The following PKD2 variants were observed in gnomAD, a reference collection of about 807,000 sequenced individuals.
PKD2 encodes polycystin-2.
In PKD2, 48 loss-of-function variants were observed where a neutral mutation model predicts 105.9. That is an observed-to-expected ratio of 0.45 (90% confidence interval 0.36 to 0.58). PKD2 has a LOEUF of 0.58. Ranked by LOEUF, PKD2 falls within the 20% of genes least tolerant of loss-of-function variation. PKD2 has a pLI of 0.00. For synonymous variants in PKD2, 464 were observed against 481.1 expected (o/e 0.96, Z 0.46); for missense variants, 1,078 against 1,255.3 (o/e 0.86, Z 2.13).
rs1359711139 is a variant in PKD2 at position 88,075,612 on chromosome 4, G to A, written c.2825G>A (p.Arg942Lys). 1.2e-6 allele frequency: 2 copies of A among 1,614,036 alleles called. No individual in the cohort carries two copies. The highest frequency in any genetic ancestry group is 2.7e-5 in the African/African-American group (2 of 74,926). The change falls in exon 15 of 15, where the codon AGA becomes AAA. Residue 942 changes from arginine (R) to lysine (K), a missense_variant. Physicochemically the swap from Arg to Lys is conservative, Grantham distance 26. Transcript: ENST00000237596. ...GGACTAAATGGTCAACCTCGCCCCAGAAGCTCCCGCCCATCTTCCTCCCAA... is the reference window on the plus strand; with the variant it reads ...GGACTAAATGGTCAACCTCGCCCCAAAAGCTCCCGCCCATCTTCCTCCCAA... Reference protein sequence around the residue: ...PVGLNGQPRPRSSRPSSSQST... With the variant: ...PVGLNGQPRPKSSRPSSSQST...
intron 6 of PKD2, among the ~76,000 whole-genome samples, chr4:88,050,798 T>C (rs995082100): frequency 1.5e-4 from 22 of 151,694 alleles, no homozygotes; most frequent in Admixed American, 1.4e-3. Flanking sequence ...AATACAAGAT[T>C]GGCTCTGGAA....
chr4:88,058,122 A>C lies in PKD2; in HGVS notation c.2019+19A>C. 2 of 1,405,550 alleles carry C rather than the reference A, an allele frequency of 1.4e-6. No homozygotes were observed. Among genetic ancestry groups the C allele is most frequent in the Non-Finnish European group, 2.0e-6 (2 of 991,254 alleles). The allele number at this position is 1,405,550 out of a possible 1,614,324, so 87.1% of individuals were successfully genotyped here. ...TCTTTTGGTATGTACATTTTTATTTATAGTGAGGTTCAATTTAAACTTCGT... is the reference window on the plus strand; with the variant it reads ...TCTTTTGGTATGTACATTTTTATTTCTAGTGAGGTTCAATTTAAACTTCGT... On this transcript the variant is annotated intron_variant, in intron 9 of 14. Transcript: ENST00000237596.
At chr4:88,056,908 C>G (rs1720362566) in intron 8 of PKD2, among the ~76,000 whole-genome samples, 1 of 152,042 alleles carries the variant, frequency 6.6e-6, no homozygotes, top group Non-Finnish European at 1.5e-5. Flanking sequence ...CACTTTGATC[C>G]CATTTTAAGT....
chr4:88,065,577 A>G, intron 11 of PKD2, 82 bp downstream of exon 11: 1 of 1,434,762 alleles, frequency 7.0e-7, no homozygotes, highest in Non-Finnish European at 9.8e-7. Flanking sequence ...TTCTAGCCCA[A>G]GGGCTCATAC....
chr4:88,050,456 A>G (rs571720461), intron 6 of PKD2, among the ~76,000 whole-genome samples: 4 of 152,244 alleles, frequency 2.6e-5, no homozygotes, highest in African/African-American at 9.6e-5. Flanking sequence ...CTCAGGAGTG[A>G]TGTAACAATG....
At chr4:88,040,831 C>T (rs548902494) in intron 4 of PKD2, among the ~76,000 whole-genome samples, 23 of 152,238 alleles carry the variant, frequency 1.5e-4, no homozygotes, top group Non-Finnish European at 2.5e-4. Context: ...TTCATATCTC[C>T]GTCTTTTCTT....
intron 7 of PKD2, among the ~76,000 whole-genome samples, chr4:88,053,666 A>G (rs1208761534): frequency 1.3e-5 from 2 of 152,102 alleles, no homozygotes; most frequent in Non-Finnish European, 2.9e-5. Context: ...CAAAAAAAAA[A>G]AAAAAATGCA....
intron 1 of PKD2, among the ~76,000 whole-genome samples, chr4:88,019,161 T>C (rs1726660298): frequency 6.6e-6 from 1 of 152,228 alleles, no homozygotes; most frequent in African/African-American, 2.4e-5. Flanking sequence ...TTTCCTGTTC[T>C]CTTTTTAAAA....
rs1221964197 is a variant in PKD2 at position 88,075,536 on chromosome 4, G to T, written c.2749G>T (p.Glu917Ter). 3.1e-6 allele frequency: 5 copies of T among 1,614,156 alleles called. No individual in the cohort carries two copies. Among genetic ancestry groups the T allele is most frequent in the Non-Finnish European group, 4.2e-6 (5 of 1,180,008 alleles). The change falls in exon 15 of 15, where the codon GAA (glutamate) becomes TAA (stop). Residue 917 changes from glutamate (E) to a stop codon, truncating the protein, a stop_gained. Transcript: ENST00000237596. LOFTEE classifies it low-confidence loss of function (END_TRUNC). ...RLVREELERW[E>*]SDDAASQISH... is the part of the protein sequence containing the mutation. ...AGTACGTGAAGAGTTGGAACGCTGG[G>T]AATCCGATGATGCAGCTTCCCAGAT...
At chr4:88,065,593 C>CTTT in intron 11 of PKD2, 98 bp downstream of exon 11, 237 of 1,071,856 alleles carry the variant, frequency 2.2e-4, no homozygotes, top group Admixed American at 3.1e-4. Flanking sequence ...CATACAGATA[C>CTTT]TTTTTTTTTT....
chr4:88,038,124 A>G, intron 3 of PKD2, 127 bp from the exon 4 acceptor site: 1 of 1,029,108 alleles, frequency 9.7e-7, no homozygotes, highest in Non-Finnish European at 1.5e-6. Flanking sequence ...TCTGACAACA[A>G]AACTCATTCT....
At chr4:88,008,432 C>T in intron 1 of PKD2, 104 bp downstream of exon 1, 2 of 1,371,140 alleles carry the variant, frequency 1.5e-6, no homozygotes, top group Non-Finnish European at 1.9e-6. Context: ...ATCTCGCATC[C>T]CCTCTGCGTT....
intron 3 of PKD2, among the ~76,000 whole-genome samples, chr4:88,037,269 A>C (rs1419806360): frequency 6.6e-6 from 1 of 151,854 alleles, no homozygotes; most frequent in Non-Finnish European, 1.5e-5. Context: ...ACCCAAAAAC[A>C]AACAAAAAAG....
intron 7 of PKD2, among the ~76,000 whole-genome samples, chr4:88,055,422 G>A (rs1350190139): frequency 1.3e-5 from 2 of 151,708 alleles, no homozygotes; most frequent in Admixed American, 6.6e-5. Context: ...CGGCAGCCTC[G>A]ACCTCCCAGG....
intron 6 of PKD2, among the ~76,000 whole-genome samples, chr4:88,047,471 G>A (rs774046345): frequency 4.5e-4 from 69 of 152,162 alleles, no homozygotes; most frequent in Admixed American, 2.6e-4. Flanking sequence ...CGAAGTGGGA[G>A]GATCATTTGA....
chr4:88,009,835 T>G (rs561666562), intron 1 of PKD2, among the ~76,000 whole-genome samples: 1 of 152,358 alleles, frequency 6.6e-6, no homozygotes, highest in Admixed American at 6.5e-5. Context: ...AAGTTCCTTT[T>G]AAGTTAATAA....
intron 6 of PKD2, among the ~76,000 whole-genome samples, chr4:88,049,219 C>T (rs1727885486): frequency 6.6e-6 from 1 of 152,178 alleles, no homozygotes; most frequent in Admixed American, 6.5e-5. Context: ...GTAACAGGTA[C>T]ATCCGTAAAA....
intron 6 of PKD2, among the ~76,000 whole-genome samples, chr4:88,050,195 C>T (rs1400568005): frequency 1.3e-5 from 2 of 151,980 alleles, no homozygotes; most frequent in African/African-American, 2.4e-5. Flanking sequence ...AGGATGGTCT[C>T]GATCTCCTGA....
chr4:88,055,299 T>G (rs1462954055), intron 7 of PKD2, among the ~76,000 whole-genome samples: 1 of 152,218 alleles, frequency 6.6e-6, no homozygotes, highest in Non-Finnish European at 1.5e-5. Context: ...GTTAATATTA[T>G]GCAACAAGAA....
Sources: gnomAD v4.1 joint callset for allele counts (sites outside exome capture counted in the v4.1 genomes callset) on GRCh38, gnomAD v4.1.1 for gene constraint, MANE v1.5 for transcripts, NCBI Gene and HGNC (gene_info 2026-07-23, HGNC 2026-07-21) for gene names.